Variants in PARP9 observed in about 807,000 individuals in gnomAD.
PARP9 encodes the protein protein mono-ADP-ribosyltransferase PARP9.
Under a neutral mutation model 68.8 loss-of-function variants are expected in PARP9, and 48 were observed. The ratio of observed to expected loss-of-function variants is 0.70; its 90% CI spans 0.55 to 0.89. The LOEUF is 0.89. Among genes scored for constraint, PARP9 ranks in the 40% least tolerant of loss-of-function variants. The pLI, the probability that PARP9 is intolerant of heterozygous loss-of-function variation, is 0.00. For synonymous variants in PARP9, 309 were observed against 333.8 expected (o/e 0.93, Z 0.81); for missense variants, 806 against 969.3 (o/e 0.83, Z 2.24).
chr3:122,539,564 TTTC>T (rs1219122094), intron 8 of PARP9, among the ~76,000 whole-genome samples: 12 of 139,798 alleles, frequency 8.6e-5, no homozygotes, highest in East Asian at 2.2e-4. Context: ...TCTTTCTTTC[TTTC>T]TTTTTTTTTT....
At chr3:122,545,366 T>A in intron 7 of PARP9, 66 bp downstream of exon 7, 1 of 1,505,100 alleles carries the variant, frequency 6.6e-7, no homozygotes. Flanking sequence ...TTAGTTCAGA[T>A]GATCAAGAAT....
chr3:122,549,813 A>G (rs2079053893), intron 6 of PARP9, among the ~76,000 whole-genome samples: 1 of 152,088 alleles, frequency 6.6e-6, no homozygotes, highest in Admixed American at 6.6e-5. Context: ...GAGAGAAGAC[A>G]AAGAATTTGC....
Position 122,546,968 on chromosome 3 carries a change from C to CTATATA in PARP9, c.1327-1485_1327-1480dup, listed in dbSNP as rs57337681. On this transcript the variant is annotated intron_variant, in intron 6 of 10. Transcript: ENST00000682323. The stretch of plus-strand genomic sequence containing the variant: ...TGCCTGACAGACACAATACATGGCA[C>CTATATA]TATATATATATATATATATATATAT... 3.7e-3 allele frequency among the ~76,000 whole-genome samples: 257 copies of CTATATA among 70,058 alleles called. 1 individual carries two copies. The highest frequency in any genetic ancestry group is 0.012 in the Middle Eastern group (1 of 86). 46.0% of individuals were successfully genotyped at this position (70,058 alleles called of 152,430 possible). A position where few individuals can be genotyped will look rare whatever the true frequency, so the allele number is the denominator to read the frequency against.
chr3:122,534,049 G>A, intron 10 of PARP9: 1 of 985,492 alleles, frequency 1.0e-6, no homozygotes, highest in African/African-American at 1.7e-5. Context: ...TATGAGTCAT[G>A]TCTGAATTGC....
chr3:122,536,622 G>T (rs969469750), intron 9 of PARP9: 14 of 547,804 alleles, frequency 2.6e-5, no homozygotes, highest in Non-Finnish European at 4.0e-5. Context: ...AGTTTAGTGA[G>T]ATAGAAAAAT....
At position 122,557,880 on chromosome 3, in the gene PARP9, T is replaced by C. The variant is rs192681334; in HGVS notation, c.49+554A>G. 1.4e-4 allele frequency among the ~76,000 whole-genome samples: 21 copies of C among 152,262 alleles called. No individual in the cohort carries two copies. In the East Asian group the frequency reaches 2.9e-3, roughly 21 times the overall value. On this transcript the variant is annotated intron_variant, in intron 3 of 10. Transcript: ENST00000682323. ...GGGCATACCATCAATTGATAACAGG[T>C]ACACTACCTTATTTCAGTATTGTTA...
intron 6 of PARP9, among the ~76,000 whole-genome samples, chr3:122,547,559 A>G (rs765089444): frequency 2.6e-5 from 4 of 152,114 alleles, no homozygotes; most frequent in Non-Finnish European, 5.9e-5. Flanking sequence ...ATGGTGCTTC[A>G]TAAAGTTCAG....
intron 3 of PARP9, among the ~76,000 whole-genome samples, chr3:122,557,461 C>G (rs530218531): frequency 2.0e-5 from 3 of 152,228 alleles, no homozygotes; most frequent in Non-Finnish European, 4.4e-5. Context: ...CTACTCAGAT[C>G]TCCCTGCGAT....
chr3:122,556,341 T>C (rs1006458375), intron 3 of PARP9, among the ~76,000 whole-genome samples: 2 of 151,996 alleles, frequency 1.3e-5, no homozygotes, highest in Non-Finnish European at 2.9e-5. Context: ...ACCCATAAAG[T>C]GCATAGTCTT....
At chr3:122,553,210 C>G (rs1007130207) in intron 4 of PARP9, among the ~76,000 whole-genome samples, 3 of 152,144 alleles carry the variant, frequency 2.0e-5, no homozygotes. Context: ...ACTCACCCAC[C>G]CATCTTATGT....
chr3:122,549,912 G>A (rs1271434520), intron 6 of PARP9, among the ~76,000 whole-genome samples: 2 of 152,222 alleles, frequency 1.3e-5, no homozygotes, highest in African/African-American at 2.4e-5. Flanking sequence ...CACAGAAGTT[G>A]TAAGAACAGT....
intron 3 of PARP9, 115 bp from the exon 4 acceptor site, chr3:122,556,236 G>A (rs1449164304): frequency 1.4e-6 from 1 of 692,176 alleles, no homozygotes; most frequent in African/African-American, 2.0e-5. Context: ...ATGTGCAAAA[G>A]AGAGATGAAC....
intron 2 of PARP9, among the ~76,000 whole-genome samples, chr3:122,559,263 G>A (rs2079986133): frequency 6.6e-6 from 1 of 152,218 alleles, no homozygotes; most frequent in African/African-American, 2.4e-5. Flanking sequence ...GAATTTTCAA[G>A]TTTAGTAAGT....
rs1336134622 is a variant in PARP9 at position 122,540,399 on chromosome 3, A to G, written c.1765+73T>C. 5 of 1,540,132 alleles carry G rather than the reference A, an allele frequency of 3.2e-6. No homozygotes were observed. In the African/African-American group the frequency reaches 4.2e-5, roughly 13 times the overall value. On this transcript the variant is annotated intron_variant, in intron 8 of 10. Transcript: ENST00000682323. Reference sequence around the variant, plus strand: ...CCTTCTGTCTCTTACCCACATCCATACATACACGCTCACACCCAAAAGAAG... The same window carrying G: ...CCTTCTGTCTCTTACCCACATCCATGCATACACGCTCACACCCAAAAGAAG...
chr3:122,543,845 A>C (rs899258847), intron 7 of PARP9, among the ~76,000 whole-genome samples: 1 of 152,086 alleles, frequency 6.6e-6, no homozygotes, highest in African/African-American at 2.4e-5. Flanking sequence ...TCCTGACCTC[A>C]AGTGATCCAC....
chr3:122,556,775 T>C (rs1234868541), intron 3 of PARP9, among the ~76,000 whole-genome samples: 1 of 115,084 alleles, frequency 8.7e-6, no homozygotes, highest in African/African-American at 3.3e-5. Context: ...CTCAGGGTTA[T>C]ACCACTGGAG....
intron 7 of PARP9, 122 bp downstream of exon 7, chr3:122,545,310 C>G: frequency 5.1e-6 from 5 of 973,572 alleles, no homozygotes; most frequent in Non-Finnish European, 8.1e-6. Flanking sequence ...CCAAGCAGGA[C>G]CACAATGCAA....
In PARP9 at chr3:122,547,530, T is replaced by G. The variant is rs1013929194; in HGVS notation, c.1327-2041A>C. 3.3e-5 allele frequency among the ~76,000 whole-genome samples: 5 copies of G among 152,182 alleles called. No homozygotes were observed. In the East Asian group the frequency reaches 5.8e-4, roughly 18 times the overall value. On this transcript the variant is annotated intron_variant, in intron 6 of 10. Coordinates refer to ENST00000682323, the MANE Select transcript of PARP9 (RefSeq NM_001146105.2). ...ATGAACCTTCTTTTCTAGATGTGGT[T>G]AATTCCTCTTGTATGAAAATGGTGC...
chr3:122,529,035 G>A (rs1463566304), intron 10 of PARP9, among the ~76,000 whole-genome samples: 1 of 151,582 alleles, frequency 6.6e-6, no homozygotes, highest in Non-Finnish European at 1.5e-5. Context: ...AACACCTGAG[G>A]TCAGAAGCCT....
Sources: allele counts gnomAD v4.1 joint callset (sites outside exome capture counted in the v4.1 genomes callset), GRCh38; gene constraint gnomAD v4.1.1; transcripts MANE v1.5; gene names NCBI Gene and HGNC (gene_info 2026-07-23, HGNC 2026-07-21).